PDCD11: variants seen among roughly 807,000 people sequenced by gnomAD.
The protein encoded by PDCD11 is programmed cell death 11.
PDCD11 carries 97 observed loss-of-function variants against 198.9 expected under a neutral mutation model. The observed-to-expected ratio is 0.49, with a 90% CI of 0.41 to 0.58. PDCD11 has a LOEUF of 0.58. PDCD11 is among the 20% of genes least tolerant of loss of function. PDCD11 has a pLI of 0.00. For synonymous variants in PDCD11, 893 were observed against 918.0 expected, an observed-to-expected ratio of 0.97 and a Z score of 0.49; for missense variants, 2,102 against 2,312.7, an observed-to-expected ratio of 0.91 and a Z score of 1.87.
At chr10:103,412,914 T>A (rs1564761460) in intron 8 of PDCD11, among the ~76,000 whole-genome samples, 1 of 152,226 alleles carries the variant, frequency 6.6e-6, no homozygotes, top group Non-Finnish European at 1.5e-5. Context: ...AAGCTTTGAT[T>A]TAGTCATACA....
chr10:103,438,903 G>A (rs1196651026), intron 27 of PDCD11, 95 bp downstream of exon 27: 3 of 1,348,672 alleles, frequency 2.2e-6, no homozygotes, highest in East Asian at 2.3e-5. Context: ...CTTCTTTGAT[G>A]GGAATATGAA....
At chr10:103,430,728 T>C (rs113978518) in intron 21 of PDCD11, among the ~76,000 whole-genome samples, 2 of 152,102 alleles carry the variant, frequency 1.3e-5, no homozygotes, top group African/African-American at 4.8e-5. Context: ...TTGGTGATGT[T>C]GAGCATCTTT....
intron 7 of PDCD11, among the ~76,000 whole-genome samples, chr10:103,407,440 G>A (rs1224791106): frequency 6.6e-6 from 1 of 152,094 alleles, no homozygotes; most frequent in Non-Finnish European, 1.5e-5. Flanking sequence ...GCGGGTACCT[G>A]TAGTCCCAGC....
rs550695536 is a variant in PDCD11, at chr10:103,418,577, C to T, written c.2049C>T (p.Leu683=). The T allele has an allele frequency of 9.9e-6, 16 of 1,614,150 alleles. No individual in the cohort carries two copies. Among genetic ancestry groups the T allele is most frequent in the African/African-American group, 4.0e-5 (3 of 75,018 alleles). ...VANGPLLHHW[L]QAGDILHRVL... ...ACGGCCCATTGTTACATCATTGGCT[C>T]CAGGCAGGTGACATCCTTCACCGAG... The change falls in exon 15 of 36, where the codon CTC becomes CTT. Residue 683 remains leucine (L), a synonymous_variant. Transcript: ENST00000369797.
At chr10:103,444,493 C>G (rs1464794873) in intron 34 of PDCD11, 24 bp from the exon 35 acceptor site, 1 of 1,611,898 alleles carries the variant, frequency 6.2e-7, no homozygotes, top group Non-Finnish European at 8.5e-7. Context: ...CTTGTTGGGT[C>G]TCTGAGCAGT....
chr10:103,407,460 G>A (rs1401269478), intron 7 of PDCD11, among the ~76,000 whole-genome samples: 1 of 152,072 alleles, frequency 6.6e-6, no homozygotes, highest in East Asian at 1.9e-4. Flanking sequence ...CTACTCGGGA[G>A]GCTGAGGCAG....
chr10:103,421,580 T>C lies in PDCD11; in HGVS notation c.2497+13T>C. On this transcript the variant is annotated intron_variant, in intron 17 of 35. Coordinates refer to ENST00000369797, the MANE Select transcript of PDCD11 (RefSeq NM_014976.2). Reference sequence around the variant, plus strand: ...ATGAGCAACCGAGGTGGGGCACCTGTGGGGCAGGGGAGGTGGGCCAGGGGT... The same window carrying C: ...ATGAGCAACCGAGGTGGGGCACCTGCGGGGCAGGGGAGGTGGGCCAGGGGT... 6.5e-7 allele frequency: 1 copy of C among 1,542,258 alleles called. No homozygotes were observed. The highest frequency in any genetic ancestry group is 8.8e-7 in the Non-Finnish European group (1 of 1,140,058).
Position 103,443,172 on chromosome 10 carries a change from C to T in PDCD11, c.4963C>T (p.Gln1655Ter). 6.3e-7 allele frequency: 1 copy of T among 1,588,152 alleles called. No homozygotes were observed. Among genetic ancestry groups the T allele is most frequent in the Non-Finnish European group, 8.6e-7 (1 of 1,162,732 alleles). ...ALKTISFREEQEKLNVWVALL... is the reference protein window; with the variant it reads ...ALKTISFREE ...TGACTGCTCTCCCTCCAGAGAGGAGCAGGAGAAGCTGAACGTGTGGGTGGC... is the reference window on the plus strand; with the variant it reads ...TGACTGCTCTCCCTCCAGAGAGGAGTAGGAGAAGCTGAACGTGTGGGTGGC... Residue 1655 changes from glutamine to a stop codon, truncating the protein, a stop_gained, in exon 33 of 36, where the codon CAG becomes TAG. Coordinates refer to ENST00000369797, the MANE Select transcript of PDCD11 (RefSeq NM_014976.2). LOFTEE classifies it high-confidence loss of function.
At chr10:103,413,642 A>G (rs2030933763) in intron 9 of PDCD11, among the ~76,000 whole-genome samples, 1 of 152,210 alleles carries the variant, frequency 6.6e-6, no homozygotes. Flanking sequence ...CTCTGTCCTA[A>G]TTGTTCAACG....
chr10:103,441,805 A>T, intron 30 of PDCD11, 21 bp from the exon 31 acceptor site: 1 of 1,610,968 alleles, frequency 6.2e-7, no homozygotes, highest in Non-Finnish European at 8.5e-7. Flanking sequence ...TGCTTTCTTT[A>T]GCGCCTCTGT....
intron 22 of PDCD11, 133 bp from the exon 23 acceptor site, chr10:103,433,815 G>T: frequency 1.5e-6 from 1 of 682,430 alleles, no homozygotes; most frequent in Non-Finnish European, 2.6e-6. Flanking sequence ...AGGGCAGTGG[G>T]ATGGAAGGGT....
chr10:103,409,482 T>C (rs547886855), intron 7 of PDCD11, among the ~76,000 whole-genome samples: 1 of 152,270 alleles, frequency 6.6e-6, no homozygotes, highest in South Asian at 2.1e-4. Flanking sequence ...CTCTCTTAGC[T>C]GGAAGGGAGG....
intron 3 of PDCD11, 62 bp downstream of exon 3, chr10:103,400,590 C>T: frequency 1.3e-6 from 2 of 1,502,234 alleles, no homozygotes; most frequent in Non-Finnish European, 1.8e-6. Flanking sequence ...TGTGTATGTT[C>T]TTTTTTTCTT....
chr10:103,412,630 C>CT (rs960061868), intron 8 of PDCD11, among the ~76,000 whole-genome samples: 3 of 152,158 alleles, frequency 2.0e-5, no homozygotes, highest in East Asian at 1.9e-4. Flanking sequence ...TCCAGCCTAA[C>CT]TTTTTTTTAT....
intron 22 of PDCD11, among the ~76,000 whole-genome samples, 158 bp from the exon 23 acceptor site, chr10:103,433,790 A>C (rs1399284725): frequency 6.6e-6 from 1 of 152,184 alleles, no homozygotes; most frequent in African/African-American, 2.4e-5. Context: ...GCTGGTGAGA[A>C]GTGGAGGTTG....
intron 30 of PDCD11, among the ~76,000 whole-genome samples, 182 bp downstream of exon 30, chr10:103,441,032 T>A (rs759453518): frequency 9.2e-5 from 14 of 152,280 alleles, no homozygotes; most frequent in Middle Eastern, 3.4e-3. Flanking sequence ...GCAGGCTGCA[T>A]AAAATAAATT....
Position 103,437,950 on chromosome 10 carries a change from TGA to T in PDCD11, c.3846-62_3846-61del. The T allele has an allele frequency of 2.3e-6, 3 of 1,312,056 alleles. No homozygotes were observed. In the South Asian group the frequency reaches 3.5e-5, roughly 16 times the overall value. The allele number at this position is 1,312,056 out of a possible 1,614,324, so 81.3% of individuals were successfully genotyped here. A position where few individuals can be genotyped will look rare whatever the true frequency, so the allele number is the denominator to read the frequency against. ...TTCGTCAGCCTGGAGGAGAGGAAGC[TGA>T]GACCCTTTGCTGTTCACAGATGCTG... On this transcript the variant is annotated intron_variant, in intron 25 of 35. Coordinates refer to ENST00000369797, the MANE Select transcript of PDCD11 (RefSeq NM_014976.2).
intron 17 of PDCD11, among the ~76,000 whole-genome samples, chr10:103,421,952 T>A (rs867680709): frequency 3.4e-5 from 4 of 117,594 alleles, no homozygotes; most frequent in Non-Finnish European, 6.4e-5. Context: ...CCGGCCTGGG[T>A]GACAGAGTGA....
chr10:103,402,148 G>A (rs1403234462), intron 3 of PDCD11, among the ~76,000 whole-genome samples: 1 of 152,182 alleles, frequency 6.6e-6, no homozygotes, highest in Non-Finnish European at 1.5e-5. Context: ...GTAATGACAA[G>A]GAGCTGAGTA....
Sources: gnomAD v4.1 joint callset for allele counts (sites outside exome capture counted in the v4.1 genomes callset) on GRCh38, gnomAD v4.1.1 for gene constraint, MANE v1.5 for transcripts, NCBI Gene and HGNC (gene_info 2026-07-23, HGNC 2026-07-21) for gene names.